The following PRDM16 variants were observed in gnomAD, a reference collection of about 807,000 sequenced individuals.
PRDM16 encodes the protein histone-lysine N-methyltransferase PRDM16.
A neutral mutation model predicts 110.6 loss-of-function variants in PRDM16; 23 were observed. The ratio of observed to expected loss-of-function variants is 0.21; its 90% CI spans 0.15 to 0.29. PRDM16 has a LOEUF of 0.29. PRDM16 is among the 10% of genes least tolerant of loss of function. The probability of loss-of-function intolerance (pLI) is 1.00; values close to 1 mark genes in which losing one functional copy is unlikely to be tolerated. For missense variants in PRDM16, 1,615 were observed against 1,794.3 expected (o/e 0.90, Z 1.81); for synonymous variants, 799 against 781.8 (o/e 1.02, Z -0.37).
intron 3 of PRDM16, among the ~76,000 whole-genome samples, chr1:3,352,217 G>A (rs1642508767): frequency 6.6e-6 from 1 of 152,164 alleles, no homozygotes; most frequent in South Asian, 2.1e-4. Context: ...GGCCCTCTCT[G>A]CCATGGGCTG....
At chr1:3,323,958 T>C (rs575003411) in intron 3 of PRDM16, among the ~76,000 whole-genome samples, 1 of 152,284 alleles carries the variant, frequency 6.6e-6, no homozygotes, top group East Asian at 1.9e-4. Flanking sequence ...GGGTTGCTGC[T>C]GAGGCACCAG....
At chr1:3,310,186 G>T (rs1047107004) in intron 3 of PRDM16, 1 of 152,240 alleles carries the variant, frequency 6.6e-6, no homozygotes, top group Non-Finnish European at 1.5e-5. Flanking sequence ...TCACCTGTAC[G>T]ATGGGTATCA....
intron 1 of PRDM16, among the ~76,000 whole-genome samples, chr1:3,105,940 C>T (rs368447991): frequency 9.9e-6 from 1 of 101,332 alleles, no homozygotes; most frequent in East Asian, 4.0e-4. Context: ...CTTAGTGTGC[C>T]CCGGGGTCCA....
intron 3 of PRDM16, among the ~76,000 whole-genome samples, chr1:3,377,076 G>A (rs1002609206): frequency 8.5e-5 from 13 of 152,338 alleles, no homozygotes; most frequent in East Asian, 7.7e-4. Flanking sequence ...TTGTGTGTGC[G>A]CACGTGTGCG....
intron 1 of PRDM16, among the ~76,000 whole-genome samples, chr1:3,153,314 G>A (rs1643809014): frequency 6.6e-6 from 1 of 152,234 alleles, no homozygotes; most frequent in African/African-American, 2.4e-5. Flanking sequence ...GCAGGCCCCG[G>A]AGCCCTGGGC....
intron 1 of PRDM16, among the ~76,000 whole-genome samples, chr1:3,181,256 G>GGTCTTACACA (rs1557508501): frequency 1.0e-4 from 7 of 67,062 alleles, no homozygotes; most frequent in Non-Finnish European, 2.1e-4. Flanking sequence ...TCTTACACAC[G>GGTCTTACACA]CAGTCTTACA....
Position 3,073,534 on chromosome 1 carries a change from A to G in PRDM16, c.37+4238A>G, listed in dbSNP as rs186989938. On this transcript the variant is annotated intron_variant, in intron 1 of 16. Coordinates refer to ENST00000270722, the MANE Select transcript of PRDM16 (RefSeq NM_022114.4). Reference sequence around the variant, plus strand: ...GGGAGGACCAGGAGCAGCTCCGGCGACTTCCCCGTGCGGGAAGGAAACTTC... The same window carrying G: ...GGGAGGACCAGGAGCAGCTCCGGCGGCTTCCCCGTGCGGGAAGGAAACTTC... 3.4e-3 allele frequency among the ~76,000 whole-genome samples: 521 copies of G among 152,128 alleles called. 13 individuals carry two copies. The highest frequency in any genetic ancestry group is 0.026 in the Admixed American group (396 of 15,304).
chr1:3,264,828 A>T (rs1640250130), intron 3 of PRDM16, among the ~76,000 whole-genome samples: 1 of 152,092 alleles, frequency 6.6e-6, no homozygotes, highest in South Asian at 2.1e-4. Context: ...TAACAAACAG[A>T]CATATTTGGG....
chr1:3,408,781 C>T (rs1334818441), intron 8 of PRDM16, among the ~76,000 whole-genome samples: 4 of 132,322 alleles, frequency 3.0e-5, no homozygotes, highest in East Asian at 2.3e-4. Flanking sequence ...TGAGTGTGGG[C>T]GCGTGAGCCG....
chr1:3,087,047 T>C, intron 1 of PRDM16, among the ~76,000 whole-genome samples: 1 of 152,120 alleles, frequency 6.6e-6, no homozygotes, highest in East Asian at 1.9e-4. Flanking sequence ...GACATGCTCG[T>C]AGTTCATATG....
At chr1:3,277,929 C>T (rs952507129) in intron 3 of PRDM16, among the ~76,000 whole-genome samples, 4 of 152,232 alleles carry the variant, frequency 2.6e-5, no homozygotes, top group African/African-American at 7.2e-5. Flanking sequence ...AGCACACGCA[C>T]TTTTCCAACA....
At chr1:3,249,069 G>A (rs536320462) in intron 3 of PRDM16, among the ~76,000 whole-genome samples, 49 of 152,224 alleles carry the variant, frequency 3.2e-4, no homozygotes, top group Non-Finnish European at 6.5e-4. Context: ...TTGTGAGCAG[G>A]ATATACCGAG....
At chr1:3,212,699 G>GCGGTCCTC (rs1569855056) in intron 2 of PRDM16, among the ~76,000 whole-genome samples, 16 of 75,024 alleles carry the variant, frequency 2.1e-4, no homozygotes, top group African/African-American at 2.0e-3. Context: ...GGTCCTCTCT[G>GCGGTCCTC]CCACTGTGGA....
rs963008273 is a variant in PRDM16 at position 3,366,925 on chromosome 1, G to A, written c.439-18227G>A. ...CGGGGAGTGAGGGGGCTGCACGTGC[G>A]TGTTTTGTTTTGCTAGGCTTTGTTT... On this transcript the variant is annotated intron_variant, in intron 3 of 16. Transcript: ENST00000270722. Among the ~76,000 whole-genome samples the A allele has an allele frequency of 4.6e-5, 7 of 152,192 alleles. 1 individual carries two copies. The highest frequency in any genetic ancestry group is 1.9e-4 in the East Asian group (1 of 5,194).
chr1:3,218,588 C>G (rs545469508), intron 2 of PRDM16, among the ~76,000 whole-genome samples: 24 of 152,340 alleles, frequency 1.6e-4, no homozygotes, highest in Admixed American at 9.8e-4. Flanking sequence ...ATCTCAAGGC[C>G]CTTCCTTAGA....
intron 3 of PRDM16, among the ~76,000 whole-genome samples, chr1:3,365,278 A>C (rs537334728): frequency 9.6e-4 from 145 of 151,622 alleles, no homozygotes; most frequent in Non-Finnish European, 1.6e-3. Flanking sequence ...GCACCAACAA[A>C]CCCCTACCAA....
intron 1 of PRDM16, among the ~76,000 whole-genome samples, chr1:3,122,520 G>T (rs1643116149): frequency 1.3e-5 from 2 of 152,190 alleles, no homozygotes; most frequent in South Asian, 4.1e-4. Flanking sequence ...CCCACCTGGG[G>T]GCTGCGAGTG....
At chr1:3,420,128 C>T (rs906254321) in intron 12 of PRDM16, among the ~76,000 whole-genome samples, 1 of 152,136 alleles carries the variant, frequency 6.6e-6, no homozygotes, top group Non-Finnish European at 1.5e-5. Flanking sequence ...TCATTGATTT[C>T]TTTTGCTCTC....
chr1:3,221,006 C>T (rs1272296861), intron 2 of PRDM16, among the ~76,000 whole-genome samples: 1 of 152,148 alleles, frequency 6.6e-6, no homozygotes, highest in Admixed American at 6.6e-5. Context: ...AGAGGGAGAC[C>T]CTGTCTGGGA....
Sources: gnomAD v4.1 joint callset for allele counts (sites outside exome capture counted in the v4.1 genomes callset) on GRCh38, gnomAD v4.1.1 for gene constraint, MANE v1.5 for transcripts, NCBI Gene and HGNC (gene_info 2026-07-23, HGNC 2026-07-21) for gene names.